LMBR1: variants seen among roughly 807,000 people sequenced by gnomAD.
The protein encoded by LMBR1 is limb region 1 protein homolog.
In LMBR1, 52 loss-of-function variants were observed where a neutral mutation model predicts 73.9. That is an observed-to-expected ratio of 0.70 (90% CI 0.56 to 0.89). The LOEUF (loss-of-function observed/expected upper bound fraction) is 0.89, where lower values mean the gene tolerates loss of function less well. Among genes scored for constraint, LMBR1 ranks in the 40% least tolerant of loss-of-function variants. LMBR1 has a pLI of 0.00. For missense variants in LMBR1, 539 were observed against 579.8 expected, an observed-to-expected ratio of 0.93 and a Z score of 0.72; for synonymous variants, 215 against 209.4, an observed-to-expected ratio of 1.03 and a Z score of -0.23.
chr7:156,774,634 C>A (rs906492640), intron 5 of LMBR1, among the ~76,000 whole-genome samples: 3 of 152,216 alleles, frequency 2.0e-5, no homozygotes, highest in Middle Eastern at 3.4e-3. Context: ...GAGTTCAAGA[C>A]CAACCTGGCT....
At chr7:156,684,551 C>T (rs1357290147) in intron 16 of LMBR1, among the ~76,000 whole-genome samples, 1 of 152,216 alleles carries the variant, frequency 6.6e-6, no homozygotes, top group Non-Finnish European at 1.5e-5. Context: ...CTTCCTCTTC[C>T]GTTGTCCCAA....
At chr7:156,811,907 G>A (rs1035440113) in intron 4 of LMBR1, among the ~76,000 whole-genome samples, 9 of 152,270 alleles carry the variant, frequency 5.9e-5, no homozygotes, top group Non-Finnish European at 8.8e-5. Context: ...TACTATCTGT[G>A]GGTGGCTGCC....
intron 4 of LMBR1, among the ~76,000 whole-genome samples, chr7:156,803,589 TC>T (rs1233552997): frequency 6.6e-6 from 1 of 152,136 alleles, no homozygotes; most frequent in Admixed American, 6.6e-5. Context: ...GTGTGGCGAT[TC>T]CTCAAGGATC....
intron 15 of LMBR1, among the ~76,000 whole-genome samples, chr7:156,699,879 G>A (rs990430290): frequency 2.2e-4 from 33 of 152,262 alleles, no homozygotes; most frequent in African/African-American, 7.0e-4. Flanking sequence ...TTAGAATGGC[G>A]ATCATTTAAA....
At position 156,680,855 on chromosome 7, in the gene LMBR1, T is replaced by G. The variant is rs561760927; in HGVS notation, c.*3223A>C. ...CAAAAGAACAAATAAACCCCACATATAAATGCTTATAAACCAAATATGAAA... is the reference window on the plus strand; with the variant it reads ...CAAAAGAACAAATAAACCCCACATAGAAATGCTTATAAACCAAATATGAAA... On this transcript the variant is annotated 3_prime_UTR_variant, in exon 17 of 17. Coordinates refer to ENST00000353442, the MANE Select transcript of LMBR1 (RefSeq NM_022458.4). 4.6e-5 allele frequency: 10 copies of G among 218,574 alleles called. No individual in the cohort carries two copies. Among genetic ancestry groups the G allele is most frequent in the African/African-American group, 2.1e-4 (9 of 41,990 alleles). The allele number at this position is 218,574 out of a possible 1,614,324, so 13.5% of individuals were successfully genotyped here.
In LMBR1 at chr7:156,826,734, T is replaced by A. The variant is rs1346708447; in HGVS notation, c.190A>T (p.Ser64Cys). The A allele has an allele frequency of 6.2e-7, 1 of 1,606,590 alleles. No homozygotes were observed. The highest frequency in any genetic ancestry group is 1.7e-5 in the Admixed American group (1 of 59,204). ...GCTGACACTGCGAGAGTGAACGTGC[T>A]CAAAAACAACCTGGAAGAAAGGAGA... ...AIVNRISLFLSTFTLAVSAGA... is the reference protein window; with the variant it reads ...AIVNRISLFLCTFTLAVSAGA... The change falls in exon 4 of 17, where the codon AGC (serine) becomes TGC (cysteine). Residue 64 changes from serine to cysteine, a missense_variant. Ser to Cys is a moderately radical substitution (Grantham distance 112). Transcript: ENST00000353442.
intron 4 of LMBR1, among the ~76,000 whole-genome samples, chr7:156,815,700 C>T (rs1046182259): frequency 6.6e-6 from 1 of 152,118 alleles, no homozygotes; most frequent in Non-Finnish European, 1.5e-5. Context: ...TCTGAGTGCA[C>T]AGTTTAGATT....
At chr7:156,699,738 A>G (rs111973985) in intron 15 of LMBR1, among the ~76,000 whole-genome samples, 22,264 of 151,662 alleles carry the variant, frequency 0.15, 2,016 homozygotes, top group African/African-American at 0.27. Flanking sequence ...AAAAGTGGGC[A>G]AAGGATATGA....
chr7:156,820,691 CCT>C (rs770019623), intron 4 of LMBR1, among the ~76,000 whole-genome samples: 1 of 152,168 alleles, frequency 6.6e-6, no homozygotes, highest in Non-Finnish European at 1.5e-5. Context: ...ATCTAGCAGG[CCT>C]CTCTGGACTT....
chr7:156,745,016 C>T (rs1383512337), intron 9 of LMBR1, among the ~76,000 whole-genome samples: 1 of 152,170 alleles, frequency 6.6e-6, no homozygotes, highest in Non-Finnish European at 1.5e-5. Context: ...ACTACATAAT[C>T]CAGAATAATC....
At chr7:156,693,465 T>C (rs897378050) in intron 15 of LMBR1, among the ~76,000 whole-genome samples, 2 of 152,022 alleles carry the variant, frequency 1.3e-5, no homozygotes, top group Non-Finnish European at 2.9e-5. Context: ...AAAAGAGATA[T>C]TCCAACAAAT....
At chr7:156,837,724 T>A (rs528520110) in intron 1 of LMBR1, among the ~76,000 whole-genome samples, 2 of 150,934 alleles carry the variant, frequency 1.3e-5, no homozygotes, top group South Asian at 4.2e-4. Context: ...CATATCAAAA[T>A]AAAAGGCAGT....
At chr7:156,700,383 GGACTGTTGTGGGGT>G (rs1809384094) in intron 15 of LMBR1, among the ~76,000 whole-genome samples, 1 of 122,200 alleles carries the variant, frequency 8.2e-6, no homozygotes. Flanking sequence ...CACTCACCTC[GGACTGTTGTGGGGT>G]GGGAGGAGGG....
At chr7:156,759,317 C>T (rs1822530004) in intron 8 of LMBR1, among the ~76,000 whole-genome samples, 1 of 152,160 alleles carries the variant, frequency 6.6e-6, no homozygotes, top group African/African-American at 2.4e-5. Context: ...GGGGTAAAGT[C>T]CACTCAGCAA....
chr7:156,858,538 G>A (rs544317160), intron 1 of LMBR1, among the ~76,000 whole-genome samples: 1 of 152,198 alleles, frequency 6.6e-6, no homozygotes, highest in African/African-American at 2.4e-5. Flanking sequence ...AGAAGCAGAG[G>A]GAATGCTTTC....
intron 1 of LMBR1, among the ~76,000 whole-genome samples, chr7:156,871,397 T>G (rs1381529143): frequency 1.3e-5 from 2 of 152,140 alleles, no homozygotes; most frequent in South Asian, 2.1e-4. Flanking sequence ...TGTCTCAAAC[T>G]CCTTCAAAAA....
At chr7:156,722,568 C>T (rs1399663008) in intron 15 of LMBR1, among the ~76,000 whole-genome samples, 1 of 152,092 alleles carries the variant, frequency 6.6e-6, no homozygotes, top group African/African-American at 2.4e-5. Context: ...CTATTCAATG[C>T]CACTGGGCAT....
rs191984050 is a variant in LMBR1, at chr7:156,886,577, T to C, written c.66+6351A>G. On this transcript the variant is annotated intron_variant, in intron 1 of 16. Transcript: ENST00000353442. Reference sequence around the variant, plus strand: ...CAGGAGAAAGTTACTGAAATCAGTCTCTTGTCCAATCAAAGCTATAGTTAT... The same window carrying C: ...CAGGAGAAAGTTACTGAAATCAGTCCCTTGTCCAATCAAAGCTATAGTTAT... 4.3e-3 allele frequency among the ~76,000 whole-genome samples: 659 copies of C among 152,328 alleles called. 5 individuals are homozygous for C. Among genetic ancestry groups the C allele is most frequent in the African/African-American group, 0.014 (587 of 41,574 alleles).
intron 8 of LMBR1, among the ~76,000 whole-genome samples, chr7:156,760,661 TGTGTGGTACACAA>T (rs1317435828): frequency 6.6e-6 from 1 of 152,250 alleles, no homozygotes; most frequent in African/African-American, 2.4e-5. Flanking sequence ...TGGCAGCATG[TGTGTGGTACACAA>T]GTGTGTATAC....
Sources: allele counts gnomAD v4.1 joint callset (sites outside exome capture counted in the v4.1 genomes callset), GRCh38; gene constraint gnomAD v4.1.1; transcripts MANE v1.5; gene names NCBI Gene and HGNC (gene_info 2026-07-23, HGNC 2026-07-21).